Variants in ZNF469 observed in about 807,000 individuals in gnomAD.
The protein encoded by ZNF469 is zinc finger protein 469.
ZNF469 carries 1 observed loss-of-function variant against 1.0 expected under a neutral mutation model. The observed-to-expected ratio is 1.00, with a 90% CI of 0.35 to 4.73. The LOEUF (loss-of-function observed/expected upper bound fraction) is 4.73, where lower values mean the gene tolerates loss of function less well. Among genes scored for constraint, ZNF469 ranks in the 30% most tolerant of loss-of-function variants. The probability of loss-of-function intolerance (pLI) is 0.16; values close to 1 mark genes in which losing one functional copy is unlikely to be tolerated. For missense variants in ZNF469, 6,100 were observed against 5,356.3 expected (o/e 1.14, Z -4.33); for synonymous variants, 2,703 against 2,363.4 (o/e 1.14, Z -4.17).
At chr16:88,305,443 C>T in the ZNF469 span, among the ~76,000 whole-genome samples, 3 of 150,850 alleles carry the variant, frequency 2.0e-5, no homozygotes, top group Non-Finnish European at 4.4e-5. Context: ...CACGTGCACA[C>T]ATGCTCATAG....
At chr16:88,131,027 G>A in the ZNF469 span, among the ~76,000 whole-genome samples, 87 of 152,238 alleles carry the variant, frequency 5.7e-4, no homozygotes, top group African/African-American at 2.1e-3. Context: ...TCGGTTCCAC[G>A]GCGGGCAGCG....
At chr16:88,357,030 C>G in the ZNF469 span, among the ~76,000 whole-genome samples, 1 of 152,224 alleles carries the variant, frequency 6.6e-6, no homozygotes, top group Admixed American at 6.5e-5. Flanking sequence ...TGCAGGGTGC[C>G]CGGCCAGCCC....
chr16:88,269,733 T>C, the ZNF469 span, among the ~76,000 whole-genome samples: 1 of 152,250 alleles, frequency 6.6e-6, no homozygotes, highest in African/African-American at 2.4e-5. Context: ...AGCACACATT[T>C]GCCGGTTTTT....
the ZNF469 span, among the ~76,000 whole-genome samples, chr16:88,353,318 A>G: frequency 6.6e-6 from 1 of 152,054 alleles, no homozygotes; most frequent in Non-Finnish European, 1.5e-5. Flanking sequence ...TCCACGCAGG[A>G]ACCACCGATG....
At chr16:88,322,002 A>C in the ZNF469 span, among the ~76,000 whole-genome samples, 4 of 152,178 alleles carry the variant, frequency 2.6e-5, no homozygotes, top group Non-Finnish European at 5.9e-5. Context: ...GGCCCTGGCG[A>C]GATCTCTGTG....
the ZNF469 span, among the ~76,000 whole-genome samples, chr16:88,335,761 C>T: frequency 6.6e-6 from 1 of 152,228 alleles, no homozygotes; most frequent in Non-Finnish European, 1.5e-5. Context: ...TCATCCTTCA[C>T]GTGAGACACT....
the ZNF469 span, among the ~76,000 whole-genome samples, chr16:88,106,214 C>T: frequency 2.4e-4 from 36 of 152,332 alleles, no homozygotes; most frequent in East Asian, 6.8e-3. Flanking sequence ...CGCCCCCACA[C>T]CCTGGAGTCA....
At chr16:88,111,239 G>T in the ZNF469 span, among the ~76,000 whole-genome samples, 3 of 152,186 alleles carry the variant, frequency 2.0e-5, no homozygotes, top group African/African-American at 7.2e-5. Context: ...GTCTGCAATG[G>T]GCTGTTTTTC....
At chr16:88,362,084 T>C in the ZNF469 span, among the ~76,000 whole-genome samples, 1 of 152,260 alleles carries the variant, frequency 6.6e-6, no homozygotes, top group Admixed American at 6.5e-5. Flanking sequence ...TCAGCTACTA[T>C]CGATTCTTCA....
At chr16:88,214,818 G>T in the ZNF469 span, among the ~76,000 whole-genome samples, 1 of 152,130 alleles carries the variant, frequency 6.6e-6, no homozygotes, top group African/African-American at 2.4e-5. Flanking sequence ...CCACGTCCCT[G>T]CAAAGGACAT....
rs1756119495 is a variant in ZNF469 at position 88,424,609 on chromosome 16, C to T, written c.-191-198C>T. On this transcript the variant is annotated intron_variant, in intron 1 of 2. Transcript: ENST00000565624. The surrounding 1 kb of genome is among the most constrained non-coding windows in gnomAD (Gnocchi z 4.3). ...GTGACCCCTAAACCCTTCAGGGTCC[C>T]CCGGGCCAGCTGAGCTGCCCGCTGG... Among the ~76,000 whole-genome samples, 1 of 152,124 alleles carries T rather than the reference C, an allele frequency of 6.6e-6. No individual in the cohort carries two copies. Among genetic ancestry groups the T allele is most frequent in the Non-Finnish European group, 1.5e-5 (1 of 68,020 alleles).
the ZNF469 span, among the ~76,000 whole-genome samples, chr16:88,360,046 G>A: frequency 1.3e-5 from 2 of 152,144 alleles, no homozygotes; most frequent in South Asian, 4.1e-4. Context: ...TAGTAGAGAT[G>A]GGGTTTCATC....
chr16:88,176,660 T>G, the ZNF469 span, among the ~76,000 whole-genome samples: 1 of 152,370 alleles, frequency 6.6e-6, no homozygotes, highest in East Asian at 1.9e-4. Flanking sequence ...GAAGTTGTTA[T>G]CATGATGACC....
the ZNF469 span, among the ~76,000 whole-genome samples, chr16:88,241,916 T>C: frequency 6.6e-6 from 1 of 152,210 alleles, no homozygotes; most frequent in East Asian, 1.9e-4. The surrounding 1 kb of genome is among the most constrained non-coding windows in gnomAD (Gnocchi z 4.8). Flanking sequence ...TCTGGGAATG[T>C]GTGGGAGATG....
At chr16:88,228,079 C>G in the ZNF469 span, among the ~76,000 whole-genome samples, 1 of 152,272 alleles carries the variant, frequency 6.6e-6, no homozygotes. Flanking sequence ...TTAGGGCCCC[C>G]GATCCAGTAT....
In ZNF469 at chr16:88,437,950, C is replaced by G. The variant is rs921811959; in HGVS notation, c.10480C>G (p.Arg3494Gly). ...GCCCGGCGAGGACAGGCCTCCTCCCCGGGGAAGCAGCCCCATCCTGAGTGA... is the reference window on the plus strand; with the variant it reads ...GCCCGGCGAGGACAGGCCTCCTCCCGGGGGAAGCAGCCCCATCCTGAGTGA... ...PGPGEDRPPP[R>G]GSSPILSEGS... is the part of the protein sequence containing the mutation. Residue 3494 changes from arginine (R) to glycine (G), a missense_variant, in exon 3 of 3, where the codon CGG becomes GGG. Arg to Gly is a moderately radical substitution (Grantham distance 125). Transcript: ENST00000565624. 27 of 1,543,212 alleles carry G rather than the reference C, an allele frequency of 1.7e-5. No individual in the cohort carries two copies. The highest frequency in any genetic ancestry group is 2.4e-5 in the Non-Finnish European group (27 of 1,144,292).
upstream of ZNF469, among the ~76,000 whole-genome samples, chr16:88,380,398 C>A (rs1431295356): frequency 9.5e-3 from 1,021 of 107,664 alleles, 49 homozygotes; most frequent in Non-Finnish European, 0.013. Context: ...CAGACACGCC[C>A]TCACACAGAC....
the ZNF469 span, among the ~76,000 whole-genome samples, chr16:88,228,007 G>A: frequency 2.0e-5 from 3 of 152,198 alleles, no homozygotes; most frequent in Admixed American, 6.5e-5. Context: ...GTTACAGGGC[G>A]TTGTTCCTTC....
intron 1 of ZNF469, among the ~76,000 whole-genome samples, chr16:88,411,731 G>A (rs1905174196): frequency 6.6e-6 from 1 of 152,180 alleles, no homozygotes; most frequent in African/African-American, 2.4e-5. Flanking sequence ...AGGGCCTGGG[G>A]CCTCTCACTC....
Sources: gnomAD v4.1 joint callset for allele counts (sites outside exome capture counted in the v4.1 genomes callset) on GRCh38, gnomAD v4.1.1 for gene constraint, Gnocchi (gnomAD v3.1) non-coding constraint, MANE v1.5 for transcripts, NCBI Gene and HGNC (gene_info 2026-07-23, HGNC 2026-07-21) for gene names.